The following GCSAM variants were observed in gnomAD, a reference collection of about 807,000 sequenced individuals.
GCSAM encodes germinal center associated signaling and motility, also known as germinal center-associated signaling and motility protein.
GCSAM carries 8 observed loss-of-function variants against 17.6 expected under a neutral mutation model. The ratio of observed to expected loss-of-function variants is 0.46; its 90% CI spans 0.27 to 0.82. The LOEUF (loss-of-function observed/expected upper bound fraction) is 0.82. GCSAM is among the 40% of genes least tolerant of loss of function. The pLI, the probability that GCSAM is intolerant of heterozygous loss-of-function variation, is 0.15. For missense variants in GCSAM, 192 were observed against 213.5 expected (o/e 0.90, Z 0.63); for synonymous variants, 68 against 69.0 (o/e 0.98, Z 0.07).
rs1182114669 is a variant in GCSAM, at chr3:112,121,510, G to A, written c.*1945C>T. On this transcript the variant is annotated 3_prime_UTR_variant, in exon 6 of 6. Coordinates refer to ENST00000308910, the MANE Select transcript of GCSAM (RefSeq NM_152785.5). ...AGTAGCATGTTCAAAGTCACAGATG[G>A]AGGAAGAGAGAGAACCAGGATTTGA... 1 of 152,226 alleles carries A rather than the reference G, an allele frequency of 6.6e-6. No individual in the cohort carries two copies. The highest frequency in any genetic ancestry group is 2.4e-5 in the African/African-American group (1 of 41,446). 9.4% of individuals were successfully genotyped at this position (152,226 alleles called of 1,614,324 possible).
intron 2 of GCSAM, 175 bp downstream of exon 2, chr3:112,130,270 C>G: frequency 3.2e-6 from 2 of 624,758 alleles, no homozygotes; most frequent in Non-Finnish European, 5.8e-6. Flanking sequence ...TAGCATATCT[C>G]CTGTCCAAAG....
At chr3:112,128,210 G>T in intron 2 of GCSAM, 149 bp from the exon 3 acceptor site, 1 of 724,328 alleles carries the variant, frequency 1.4e-6, no homozygotes, top group South Asian at 1.5e-5. Flanking sequence ...ATCTCTCATG[G>T]TAGAATGCCT....
intron 4 of GCSAM, among the ~76,000 whole-genome samples, chr3:112,126,786 T>C (rs144526952): frequency 0.015 from 2,342 of 152,292 alleles, 35 homozygotes; most frequent in Non-Finnish European, 0.026. Flanking sequence ...ACTGAGGAAT[T>C]TGGAGATTAA....
Position 112,123,202 on chromosome 3 carries a change from ACT to A in GCSAM, c.*251_*252del. ...ATCAGGGAGCCCCTCCTACCACTAT[ACT>A]CTCCAAACCATGTAGAACCAAAGAT... On this transcript the variant is annotated 3_prime_UTR_variant, in exon 6 of 6. Coordinates refer to ENST00000308910, the MANE Select transcript of GCSAM (RefSeq NM_152785.5). 1 of 581,818 alleles carries A rather than the reference ACT, an allele frequency of 1.7e-6. No individual in the cohort carries two copies. 36.0% of individuals were successfully genotyped at this position (581,818 alleles called of 1,614,324 possible).
intron 5 of GCSAM, 35 bp from the exon 6 acceptor site, chr3:112,123,807 G>A: frequency 6.3e-7 from 1 of 1,590,240 alleles, no homozygotes; most frequent in Non-Finnish European, 8.6e-7. Flanking sequence ...TCAAGATTTG[G>A]TCTCTTGCCA....
At chr3:112,124,086 T>A (rs2107800001) in intron 5 of GCSAM, among the ~76,000 whole-genome samples, 1 of 152,288 alleles carries the variant, frequency 6.6e-6, no homozygotes, top group Non-Finnish European at 1.5e-5. Context: ...TTGTTGGAGG[T>A]GGTGCCTAGT....
In GCSAM at chr3:112,132,972, T is replaced by C. The variant is rs921502882; in HGVS notation, c.29+120A>G. The C allele has an allele frequency of 1.8e-5, 18 of 983,142 alleles. No homozygotes were observed. In the Admixed American group the frequency reaches 3.7e-4, roughly 20 times the overall value. 60.9% of individuals were successfully genotyped at this position (983,142 alleles called of 1,614,324 possible). A position where few individuals can be genotyped will look rare whatever the true frequency, so the allele number is the denominator to read the frequency against. On this transcript the variant is annotated intron_variant, in intron 1 of 5. Transcript: ENST00000308910. ...GGCACTGAAGGCTTGGCAGTTTCCT[T>C]ACCCAACTACTTTCTACCCCAACTT...
chr3:112,126,064 A>G (rs1310526013), intron 4 of GCSAM, among the ~76,000 whole-genome samples: 1 of 152,178 alleles, frequency 6.6e-6, no homozygotes, highest in Admixed American at 6.5e-5. Context: ...ATAAGCTCCT[A>G]TAGGCATCTA....
chr3:112,128,067 A>G lies in GCSAM; in HGVS notation c.99-6T>C. ...CGATATGGTGATCCCAGCATCTAAA[A>G]TACCCAAGAGAGATGGCAAATCATA... is the stretch of plus-strand genomic sequence containing the variant. On this transcript the variant is annotated splice_polypyrimidine_tract_variant and splice_region_variant and intron_variant, in intron 2 of 5. Coordinates refer to ENST00000308910, the MANE Select transcript of GCSAM (RefSeq NM_152785.5). 1 of 1,613,152 alleles carries G rather than the reference A, an allele frequency of 6.2e-7. No homozygotes were observed.
intron 4 of GCSAM, 76 bp from the exon 5 acceptor site, chr3:112,125,330 A>T (rs1178456121): frequency 9.9e-7 from 1 of 1,008,288 alleles, no homozygotes; most frequent in Non-Finnish European, 1.6e-6. Flanking sequence ...AGGCTAGAAT[A>T]TAAATAACTA....
intron 2 of GCSAM, chr3:112,128,423 G>A (rs1305991835): frequency 2.6e-6 from 1 of 390,062 alleles, no homozygotes; most frequent in Non-Finnish European, 4.9e-6. Flanking sequence ...ATTTTTTTCA[G>A]GTATGGGTTA....
intron 2 of GCSAM, chr3:112,128,589 G>A (rs1420746105): frequency 9.0e-6 from 2 of 221,410 alleles, no homozygotes; most frequent in Admixed American, 5.1e-5. Context: ...TCCAGTCTAT[G>A]ACACAACATC....
At chr3:112,128,266 A>T (rs1444178498) in intron 2 of GCSAM, 6 of 692,628 alleles carry the variant, frequency 8.7e-6, no homozygotes, top group Non-Finnish European at 1.6e-5. Flanking sequence ...CCTAATCAGG[A>T]AAAAAGCTTT....
Position 112,123,728 on chromosome 3 carries a change from G to GAGGGT in GCSAM, c.259_263dup (p.Ile89ProfsTer102), listed in dbSNP as rs2074247175. 1 of 1,613,782 alleles carries GAGGGT rather than the reference G, an allele frequency of 6.2e-7. No individual in the cohort carries two copies. The highest frequency in any genetic ancestry group is 8.5e-7 in the Non-Finnish European group (1 of 1,179,816). ...TTGTACAGAGAACCCGATGATTGAT[G>GAGGGT]AGGGTATAGCACAGCTCCTCTGAGT... On this transcript the variant is annotated frameshift_variant, in exon 6 of 6. Coordinates refer to ENST00000308910, the MANE Select transcript of GCSAM (RefSeq NM_152785.5). LOFTEE classifies it low-confidence loss of function (END_TRUNC).
chr3:112,125,497 G>A (rs1251251710), intron 4 of GCSAM, among the ~76,000 whole-genome samples: 3 of 152,122 alleles, frequency 2.0e-5, no homozygotes, highest in African/African-American at 7.2e-5. Context: ...CTTTGGAAAG[G>A]AAATCACGAT....
chr3:112,132,595 T>C lies in GCSAM; in HGVS notation c.29+497A>G, dbSNP rs969188489. The C allele has an allele frequency of 3.1e-6, 3 of 955,132 alleles. No individual in the cohort carries two copies. In the African/African-American group the frequency reaches 5.3e-5, roughly 17 times the overall value. 59.2% of individuals were successfully genotyped at this position (955,132 alleles called of 1,614,324 possible). On this transcript the variant is annotated intron_variant, in intron 1 of 5. Coordinates refer to ENST00000308910, the MANE Select transcript of GCSAM (RefSeq NM_152785.5). ...AAGAGGCTGAGGTCCAGAAAGTAAA[T>C]CTGAGTTCTGTGCCTATTTAATCTA...
At chr3:112,126,903 AGGGGC>A in intron 4 of GCSAM, 79 bp downstream of exon 4, 1 of 941,568 alleles carries the variant, frequency 1.1e-6, no homozygotes, top group Admixed American at 1.9e-5. Flanking sequence ...AATATGCCTA[AGGGGC>A]TTTGGGAACA....
intron 2 of GCSAM, 56 bp downstream of exon 2, chr3:112,130,389 A>C (rs1456126636): frequency 8.5e-6 from 12 of 1,412,008 alleles, no homozygotes; most frequent in Admixed American, 1.7e-5. Context: ...AGGGCTTGAC[A>C]TACTTCGTTC....
intron 5 of GCSAM, among the ~76,000 whole-genome samples, chr3:112,124,582 T>A (rs550806735): frequency 6.0e-4 from 92 of 152,306 alleles, no homozygotes; most frequent in African/African-American, 2.1e-3. Flanking sequence ...CACTCCAGCC[T>A]GGGTGACAAG....
Sources: gnomAD v4.1 joint callset for allele counts (sites outside exome capture counted in the v4.1 genomes callset) on GRCh38, gnomAD v4.1.1 for gene constraint, MANE v1.5 for transcripts, NCBI Gene and HGNC (gene_info 2026-07-23, HGNC 2026-07-21) for gene names.